ADAMTSL2: variants seen among roughly 807,000 people sequenced by gnomAD.
The protein encoded by ADAMTSL2 is ADAMTS-like protein 2.
ADAMTSL2 carries 55 observed loss-of-function variants against 117.0 expected under a neutral mutation model. The observed-to-expected ratio is 0.47, with a 90% CI of 0.38 to 0.59. The LOEUF (loss-of-function observed/expected upper bound fraction) is 0.59. Ranked by LOEUF, ADAMTSL2 falls within the 20% of genes least tolerant of loss-of-function variation. The probability of loss-of-function intolerance (pLI) is 0.00; values close to 1 mark genes in which losing one functional copy is unlikely to be tolerated. For missense variants in ADAMTSL2, 1,182 were observed against 1,354.5 expected (o/e 0.87, Z 2.00); for synonymous variants, 572 against 566.4 (o/e 1.01, Z -0.14).
At chr9:133,569,049 CTGTT>C (rs1363778465) in intron 15 of ADAMTSL2, among the ~76,000 whole-genome samples, 1 of 152,004 alleles carries the variant, frequency 6.6e-6, no homozygotes, top group Non-Finnish European at 1.5e-5. Context: ...CTCCCCGTCT[CTGTT>C]TGTCTCCGAG....
At chr9:133,537,294 G>T in intron 2 of ADAMTSL2, 111 bp from the exon 3 acceptor site, 1 of 1,193,202 alleles carries the variant, frequency 8.4e-7, no homozygotes. Context: ...CCAGCCAGGG[G>T]GCTGTGTCTT....
Position 133,557,832 on chromosome 9 carries a change from C to T in ADAMTSL2, c.1649+1902C>T, listed in dbSNP as rs1830637559. Among the ~76,000 whole-genome samples the T allele has an allele frequency of 6.6e-6, 1 of 152,188 alleles. No individual in the cohort carries two copies. Among genetic ancestry groups the T allele is most frequent in the African/African-American group, 2.4e-5 (1 of 41,438 alleles). On this transcript the variant is annotated intron_variant, in intron 11 of 18. Coordinates refer to ENST00000651351, the MANE Select transcript of ADAMTSL2 (RefSeq NM_014694.4). This position sits in a 1 kb window ranked among gnomAD's most constrained non-coding sequence, Gnocchi z 5.2. ...CAGCTCTCCGGCAGTCACGGCCCTC[C>T]AAATAGAATAGGTTTATCAGAGTGG...
At chr9:133,561,918 A>C (rs1272875367) in intron 12 of ADAMTSL2, among the ~76,000 whole-genome samples, 1 of 152,016 alleles carries the variant, frequency 6.6e-6, no homozygotes, top group African/African-American at 2.4e-5. Context: ...CCACTCTAGT[A>C]CCCTCCCCTG....
At chr9:133,537,295 G>C (rs556194090) in intron 2 of ADAMTSL2, 110 bp from the exon 3 acceptor site, 3 of 1,195,936 alleles carry the variant, frequency 2.5e-6, no homozygotes, top group Non-Finnish European at 3.3e-6. Context: ...CAGCCAGGGG[G>C]CTGTGTCTTC....
chr9:133,541,823 G>T (rs1200173645), intron 7 of ADAMTSL2, among the ~76,000 whole-genome samples: 1 of 152,232 alleles, frequency 6.6e-6, no homozygotes, highest in Non-Finnish European at 1.5e-5. Flanking sequence ...CTCATCGGGG[G>T]TGGGCGTCTG....
chr9:133,573,450 C>T lies in ADAMTSL2; in HGVS notation c.2593-393C>T, dbSNP rs1418035989. Among the ~76,000 whole-genome samples, 5 of 152,336 alleles carry T rather than the reference C, an allele frequency of 3.3e-5. No individual in the cohort carries two copies. In the East Asian group the frequency reaches 9.6e-4, roughly 29 times the overall value. ...CAGGGAGATGGGAGAGGAGGGACCA[C>T]CCCTCACTGTGCATCTGGGGAGACT... On this transcript the variant is annotated intron_variant, in intron 17 of 18. Transcript: ENST00000651351.
In ADAMTSL2 at chr9:133,567,016, C is replaced by T; in HGVS notation, c.1828C>T (p.Pro610Ser). The change falls in exon 13 of 19, where the codon CCC (proline) becomes TCC (serine). Residue 610 changes from proline to serine, a missense_variant. Physicochemically the swap from Pro to Ser is moderately conservative, Grantham distance 74. Around this residue, in one of 3 missense-constraint regions of ADAMTSL2, gnomAD observed 465 missense variants for 565.3 expected, o/e 0.82. Coordinates refer to ENST00000651351, the MANE Select transcript of ADAMTSL2 (RefSeq NM_014694.4). ...CAGCTACTGTGACGCCCTGACCCGT[C>T]CCGAGCCTGTCCACGAGTTCTGCGC... ...DDSYCDALTR[P>S]EPVHEFCAGR... The T allele has an allele frequency of 6.2e-7, 1 of 1,611,466 alleles. No homozygotes were observed. Among genetic ancestry groups the T allele is most frequent in the Non-Finnish European group, 8.5e-7 (1 of 1,179,692 alleles).
At position 133,574,906 on chromosome 9, in the gene ADAMTSL2, C is replaced by CCAGGAGGGGCG; in HGVS notation, c.*43_*44insAGGAGGGGCGC. On this transcript the variant is annotated 3_prime_UTR_variant, in exon 19 of 19. Transcript: ENST00000651351. ...CCCTTCCAGATGAAGACCAAGCGCC[C>CCAGGAGGGGCG]CTCCTGGGGCTGCTGCAGCTTCTGG... 2 of 1,515,852 alleles carry CCAGGAGGGGCG rather than the reference C, an allele frequency of 1.3e-6. No homozygotes were observed. Among genetic ancestry groups the CCAGGAGGGGCG allele is most frequent in the Non-Finnish European group, 1.8e-6 (2 of 1,092,010 alleles). 93.9% of individuals were successfully genotyped at this position (1,515,852 alleles called of 1,614,324 possible).
chr9:133,534,577 G>T, upstream of ADAMTSL2: 1 of 1,110,358 alleles, frequency 9.0e-7, no homozygotes, highest in East Asian at 3.2e-5. Context: ...GGCTCCAGAG[G>T]CGCAGAGCGG....
intron 9 of ADAMTSL2, among the ~76,000 whole-genome samples, chr9:133,550,206 C>T (rs902936100): frequency 6.6e-6 from 1 of 152,242 alleles, no homozygotes; most frequent in African/African-American, 2.4e-5. Context: ...ATCTACTTCA[C>T]TAAAGCCCCA....
At chr9:133,561,859 G>A (rs1415094516) in intron 12 of ADAMTSL2, among the ~76,000 whole-genome samples, 2 of 152,166 alleles carry the variant, frequency 1.3e-5, no homozygotes, top group Non-Finnish European at 2.9e-5. Context: ...GGCCACCATC[G>A]CCCTGAGACG....
At chr9:133,569,314 G>C in intron 15 of ADAMTSL2, 94 bp from the exon 16 acceptor site, 1 of 1,349,282 alleles carries the variant, frequency 7.4e-7, no homozygotes, top group African/African-American at 1.4e-5. Flanking sequence ...ACACTGCCTG[G>C]GAGCCACTCC....
chr9:133,535,036 G>A lies in ADAMTSL2; in HGVS notation c.-151+119G>A, dbSNP rs144269424. 5.9e-4 allele frequency: 765 copies of A among 1,292,978 alleles called. 2 individuals are homozygous for A. The African/African-American group carries it at 9.6e-3, about 16-fold the overall frequency. 80.1% of individuals were successfully genotyped at this position (1,292,978 alleles called of 1,614,324 possible). A position where few individuals can be genotyped will look rare whatever the true frequency, so the allele number is the denominator to read the frequency against. Reference sequence around the variant, plus strand: ...CCTCTGGAGCCGTTACATAACGTGGGGAGGCTTGTGGGGAGGGGTCGGGCC... The same window carrying A: ...CCTCTGGAGCCGTTACATAACGTGGAGAGGCTTGTGGGGAGGGGTCGGGCC... On this transcript the variant is annotated intron_variant, in intron 1 of 18. Transcript: ENST00000651351.
At chr9:133,564,198 G>A (rs200021529) in intron 12 of ADAMTSL2, among the ~76,000 whole-genome samples, 1 of 56,272 alleles carries the variant, frequency 1.8e-5, no homozygotes, top group Non-Finnish European at 3.7e-5. Flanking sequence ...GAGAGAGAGA[G>A]GGAGAGAGAG....
chr9:133,541,566 G>A (rs1016508743), intron 7 of ADAMTSL2, among the ~76,000 whole-genome samples: 2 of 152,184 alleles, frequency 1.3e-5, no homozygotes, highest in Admixed American at 6.5e-5. Flanking sequence ...TGGGGTTATA[G>A]GCATGAGCCA....
chr9:133,542,971 G>A (rs1466009102), intron 7 of ADAMTSL2, among the ~76,000 whole-genome samples: 5 of 150,722 alleles, frequency 3.3e-5, no homozygotes, highest in Admixed American at 6.6e-5. Context: ...TTTTTGAGAC[G>A]GAGTTTTGTT....
At chr9:133,569,898 G>A (rs1386455136) in intron 16 of ADAMTSL2, among the ~76,000 whole-genome samples, 1 of 152,238 alleles carries the variant, frequency 6.6e-6, no homozygotes, top group African/African-American at 2.4e-5. Flanking sequence ...TCCTGGCCCA[G>A]GGGCCTTTGC....
chr9:133,564,994 G>A (rs1341744777), intron 12 of ADAMTSL2, among the ~76,000 whole-genome samples: 9 of 152,056 alleles, frequency 5.9e-5, no homozygotes, highest in South Asian at 4.1e-4. Context: ...ATTTTTCTTC[G>A]AAGACACTCT....
rs750070158 is a variant in ADAMTSL2, at chr9:133,569,649, ATGGC to A, written c.2415+75_2415+78del. 3,176 of 1,467,544 alleles carry A rather than the reference ATGGC, an allele frequency of 2.2e-3. 6 individuals are homozygous for A. Among genetic ancestry groups the A allele is most frequent in the Middle Eastern group, 4.9e-3 (25 of 5,078 alleles). 90.9% of individuals were successfully genotyped at this position (1,467,544 alleles called of 1,614,324 possible). On this transcript the variant is annotated intron_variant, in intron 16 of 18. Transcript: ENST00000651351. ...GCATTTGGCCAGAGAGGAGAGCCAG[ATGGC>A]TGGGACCACAGATGGGTGAAAAAGA...
Sources: allele counts gnomAD v4.1 joint callset (sites outside exome capture counted in the v4.1 genomes callset), GRCh38; gene constraint gnomAD v4.1.1; regional missense constraint gnomAD v4.1.1; non-coding constraint Gnocchi (gnomAD v3.1); transcripts MANE v1.5; gene names NCBI Gene and HGNC (gene_info 2026-07-23, HGNC 2026-07-21).